Variants in STPG2 observed in about 807,000 individuals in gnomAD.
STPG2 encodes sperm-tail PG-rich repeat-containing protein 2.
STPG2 carries 56 observed loss-of-function variants against 54.2 expected under a neutral mutation model. The ratio of observed to expected loss-of-function variants is 1.03; its 90% CI spans 0.83 to 1.29. The LOEUF (loss-of-function observed/expected upper bound fraction) is 1.29, where lower values mean the gene tolerates loss of function less well. Ranked by LOEUF, STPG2 falls within the 50% of genes most tolerant of loss-of-function variation. The pLI is 0.00. For synonymous variants in STPG2, 200 were observed against 181.8 expected (o/e 1.10, Z -0.81); for missense variants, 596 against 544.9 (o/e 1.09, Z -0.93).
In STPG2 at chr4:98,055,349, G is replaced by GT. The variant is rs552704282; in HGVS notation, c.612+50603dup. Reference sequence around the variant, plus strand: ...ATGGAGGGACTGAGATGACTGCCATGTTTTTTAACAGATCTTCAGAGGGAA... The same window carrying GT: ...ATGGAGGGACTGAGATGACTGCCATGTTTTTTTAACAGATCTTCAGAGGGAA... On this transcript the variant is annotated intron_variant, in intron 5 of 10. Transcript: ENST00000295268. Among the ~76,000 whole-genome samples, 403 of 152,098 alleles carry GT rather than the reference G, an allele frequency of 2.6e-3. No individual in the cohort carries two copies. In the Middle Eastern group the frequency reaches 0.031, roughly 12 times the overall value.
Position 97,788,712 on chromosome 4 carries a change from T to C in STPG2, c.1204+52061A>G, listed in dbSNP as rs569625389. Reference sequence around the variant, plus strand: ...CACCAACAGTGTACAAGGGTTCCCTTTTCTCTATATCCTTGCTAGCATTCT... The same window carrying C: ...CACCAACAGTGTACAAGGGTTCCCTCTTCTCTATATCCTTGCTAGCATTCT... On this transcript the variant is annotated intron_variant, in intron 9 of 10. Transcript: ENST00000295268. 6.3e-4 allele frequency among the ~76,000 whole-genome samples: 96 copies of C among 152,184 alleles called. 1 individual carries two copies. Among genetic ancestry groups the C allele is most frequent in the South Asian group, 8.3e-4 (4 of 4,816 alleles).
At chr4:97,854,960 TTCTC>T (rs1482070566) in intron 8 of STPG2, among the ~76,000 whole-genome samples, 1 of 152,214 alleles carries the variant, frequency 6.6e-6, no homozygotes, top group Non-Finnish European at 1.5e-5. Flanking sequence ...TGTCCACGTG[TTCTC>T]ATCGTTCAGC....
At chr4:97,963,203 T>A (rs1419273035) in intron 7 of STPG2, among the ~76,000 whole-genome samples, 1 of 151,930 alleles carries the variant, frequency 6.6e-6, no homozygotes, top group Non-Finnish European at 1.5e-5. Flanking sequence ...AATAATTATT[T>A]TTATCTAAAT....
At chr4:97,751,077 T>C (rs1725568501) in intron 9 of STPG2, among the ~76,000 whole-genome samples, 1 of 151,846 alleles carries the variant, frequency 6.6e-6, no homozygotes, top group South Asian at 2.1e-4. Flanking sequence ...ACCTATCTAA[T>C]GTGATTGACC....
intron 10 of STPG2, among the ~76,000 whole-genome samples, chr4:97,573,555 T>TA (rs1296222403): frequency 6.6e-6 from 1 of 151,956 alleles, no homozygotes. Flanking sequence ...AATTATAATA[T>TA]AAAAAATGGA....
chr4:97,591,417 T>C (rs1376316147), intron 10 of STPG2, among the ~76,000 whole-genome samples: 2 of 152,176 alleles, frequency 1.3e-5, no homozygotes, highest in Non-Finnish European at 2.9e-5. Flanking sequence ...TAATAAAGGC[T>C]AAGTTATATA....
intron 7 of STPG2, among the ~76,000 whole-genome samples, chr4:97,961,019 A>G (rs1205228770): frequency 1.3e-5 from 2 of 152,130 alleles, no homozygotes; most frequent in Non-Finnish European, 2.9e-5. Context: ...ATGGAACAGA[A>G]TAGAGAACTC....
At chr4:97,965,637 C>T (rs1734070927) in intron 7 of STPG2, among the ~76,000 whole-genome samples, 1 of 152,136 alleles carries the variant, frequency 6.6e-6, no homozygotes, top group Non-Finnish European at 1.5e-5. Flanking sequence ...TGGGACGAAG[C>T]TTCCAGAAAA....
Position 97,819,308 on chromosome 4 carries a change from CT to C in STPG2, c.1204+21464del, listed in dbSNP as rs571797537. Among the ~76,000 whole-genome samples, 641 of 152,058 alleles carry C rather than the reference CT, an allele frequency of 4.2e-3. 3 individuals are homozygous for C. Among genetic ancestry groups the C allele is most frequent in the South Asian group, 0.024 (116 of 4,822 alleles). On this transcript the variant is annotated intron_variant, in intron 9 of 10. Transcript: ENST00000295268. The stretch of plus-strand genomic sequence containing the variant: ...TCTGAAGCTAGAATATTATAAGTCA[CT>C]GAGAAAACAGAATAAATAATTAATT...
chr4:98,100,985 T>C (rs1314132669), intron 5 of STPG2, among the ~76,000 whole-genome samples: 1 of 152,154 alleles, frequency 6.6e-6, no homozygotes, highest in African/African-American at 2.4e-5. Flanking sequence ...CTCCTTCAGC[T>C]GCTCTTAATG....
At position 97,774,219 on chromosome 4, in the gene STPG2, T is replaced by A. The variant is rs113521585; in HGVS notation, c.1205-61405A>T. Among the ~76,000 whole-genome samples, 867 of 152,290 alleles carry A rather than the reference T, an allele frequency of 5.7e-3. 5 individuals are homozygous for A. The highest frequency in any genetic ancestry group is 0.02 in the Middle Eastern group (6 of 294). ...ATTGTAACTTATTCTTGGAGTAACT[T>A]CAGTTCTCTTTATATTACTTTGTGG... is the stretch of plus-strand genomic sequence containing the variant. On this transcript the variant is annotated intron_variant, in intron 9 of 10. Transcript: ENST00000295268.
At chr4:97,882,976 TACACACACACAC>T (rs34481744) in intron 8 of STPG2, among the ~76,000 whole-genome samples, 2 of 146,862 alleles carry the variant, frequency 1.4e-5, no homozygotes, top group East Asian at 2.0e-4. Context: ...ACATACCACA[TACACACACACAC>T]ACACACACAC....
chr4:98,061,769 T>G (rs1315721279), intron 5 of STPG2, among the ~76,000 whole-genome samples: 1 of 152,074 alleles, frequency 6.6e-6, no homozygotes. Context: ...CCTGTCAGAA[T>G]GGCTAGTATT....
At chr4:97,684,819 T>A (rs769399211) in intron 10 of STPG2, among the ~76,000 whole-genome samples, 15 of 151,656 alleles carry the variant, frequency 9.9e-5, no homozygotes, top group Non-Finnish European at 1.6e-4. Context: ...AAGCCAAAAA[T>A]TGGAAGAATA....
chr4:97,768,092 A>C (rs545866254), intron 9 of STPG2, among the ~76,000 whole-genome samples: 1 of 151,600 alleles, frequency 6.6e-6, no homozygotes. Context: ...TCGTGAACCC[A>C]GGAGGCGGAT....
At chr4:97,704,631 G>A (rs1723885035) in intron 10 of STPG2, among the ~76,000 whole-genome samples, 1 of 152,168 alleles carries the variant, frequency 6.6e-6, no homozygotes. Context: ...TCACTTTGGG[G>A]TATTAAGTAA....
At chr4:97,795,508 C>T (rs867816210) in intron 9 of STPG2, among the ~76,000 whole-genome samples, 4 of 152,154 alleles carry the variant, frequency 2.6e-5, no homozygotes, top group Admixed American at 2.0e-4. Flanking sequence ...CATCCATGTC[C>T]CTACAAAGGA....
chr4:97,546,009 C>T lies in STPG2; in HGVS notation c.462+166690G>A, dbSNP rs1057161510. On this transcript the variant is annotated intron_variant, in intron 4 of 4. Transcript: ENST00000522676. ...GAAGTAGGACACACATAGTTTAATA[C>T]CTCAATTTTGAATCAATAATATCTT... 3.9e-5 allele frequency among the ~76,000 whole-genome samples: 6 copies of T among 152,014 alleles called. 1 individual carries two copies. In the East Asian group the frequency reaches 7.7e-4, roughly 20 times the overall value.
At chr4:97,967,039 G>A (rs192319062) in intron 7 of STPG2, among the ~76,000 whole-genome samples, 1 of 152,208 alleles carries the variant, frequency 6.6e-6, no homozygotes, top group East Asian at 1.9e-4. Flanking sequence ...TGGGCTGAAT[G>A]CCCCAATTAA....
Sources: gnomAD v4.1 joint callset for allele counts (sites outside exome capture counted in the v4.1 genomes callset) on GRCh38, gnomAD v4.1.1 for gene constraint, MANE v1.5 for transcripts, NCBI Gene and HGNC (gene_info 2026-07-23, HGNC 2026-07-21) for gene names.